The following DLGAP1 variants were observed in gnomAD, a reference collection of about 807,000 sequenced individuals.
DLGAP1 encodes the protein disks large-associated protein 1.
A neutral mutation model predicts 90.8 loss-of-function variants in DLGAP1; 11 were observed. The ratio of observed to expected loss-of-function variants is 0.12; its 90% CI spans 0.08 to 0.20. The LOEUF (loss-of-function observed/expected upper bound fraction) is 0.20, where lower values mean the gene tolerates loss of function less well. Among genes scored for constraint, DLGAP1 ranks in the 10% least tolerant of loss-of-function variants. The pLI is 1.00. For missense variants in DLGAP1, 1,050 were observed against 1,333.8 expected (o/e 0.79, Z 3.31); for synonymous variants, 558 against 540.7 (o/e 1.03, Z -0.44).
At chr18:3,562,454 T>G (rs2054184739) in intron 9 of DLGAP1, among the ~76,000 whole-genome samples, 1 of 151,806 alleles carries the variant, frequency 6.6e-6, no homozygotes, top group Non-Finnish European at 1.5e-5. Context: ...GTCTTTCCCA[T>G]GCTGTTCTCA....
intron 6 of DLGAP1, among the ~76,000 whole-genome samples, chr18:3,730,116 T>C (rs2147471790): frequency 6.6e-6 from 1 of 152,290 alleles, no homozygotes; most frequent in Non-Finnish European, 1.5e-5. Flanking sequence ...GGGCTGACTG[T>C]TGTGGCTCGC....
chr18:3,591,611 G>A (rs2056251650), intron 7 of DLGAP1, among the ~76,000 whole-genome samples: 1 of 151,878 alleles, frequency 6.6e-6, no homozygotes, highest in African/African-American at 2.4e-5. Context: ...GCTGGGGCGG[G>A]AGGATTGCTG....
chr18:4,427,695 T>C (rs1159637672), intron 1 of DLGAP1, among the ~76,000 whole-genome samples: 1 of 152,228 alleles, frequency 6.6e-6, no homozygotes, highest in Non-Finnish European at 1.5e-5. Flanking sequence ...ATTTGCTGTC[T>C]GTCATCCATT....
intron 1 of DLGAP1, among the ~76,000 whole-genome samples, chr18:4,319,144 AT>A (rs2080610433): frequency 6.6e-6 from 1 of 152,348 alleles, no homozygotes; most frequent in East Asian, 1.9e-4. Flanking sequence ...GAGGTAAAAA[AT>A]AAATTAGTTT....
intron 5 of DLGAP1, among the ~76,000 whole-genome samples, chr18:3,780,867 T>A (rs1473244261): frequency 1.4e-5 from 2 of 148,064 alleles, no homozygotes; most frequent in African/African-American, 4.9e-5. Context: ...AGTGGTGCAA[T>A]CTTAGCTCAC....
At chr18:3,866,870 A>C (rs2070418460) in intron 4 of DLGAP1, among the ~76,000 whole-genome samples, 1 of 152,240 alleles carries the variant, frequency 6.6e-6, no homozygotes, top group Non-Finnish European at 1.5e-5. Flanking sequence ...ATATTTTTTG[A>C]GACAAAGTCT....
chr18:4,332,191 T>C (rs771007674), intron 1 of DLGAP1, among the ~76,000 whole-genome samples: 4 of 151,914 alleles, frequency 2.6e-5, no homozygotes, highest in Non-Finnish European at 4.4e-5. Context: ...AATCCAGTGG[T>C]GAGGAAAATC....
rs1218433440 is a variant in DLGAP1 at position 3,765,117 on chromosome 18, CTTTTTTTTTTTTCT to C, written c.1173-22619_1173-22606del. 8.6e-4 allele frequency among the ~76,000 whole-genome samples: 109 copies of C among 126,414 alleles called. 2 individuals carry two copies. The highest frequency in any genetic ancestry group is 3.1e-3 in the African/African-American group (103 of 33,208). The allele number at this position is 126,414 out of a possible 152,430, so 82.9% of individuals were successfully genotyped here. A position where few individuals can be genotyped will look rare whatever the true frequency, so the allele number is the denominator to read the frequency against. The stretch of plus-strand genomic sequence containing the variant: ...CAGAATCTCCATGCACACTTGCAAA[CTTTTTTTTTTTTCT>C]TTTTTTTTTTTTTTGAGACAGAGTC... On this transcript the variant is annotated intron_variant, in intron 5 of 12. Transcript: ENST00000315677.
intron 1 of DLGAP1, among the ~76,000 whole-genome samples, chr18:4,339,925 C>T (rs1436544689): frequency 6.6e-6 from 1 of 152,104 alleles, no homozygotes; most frequent in African/African-American, 2.4e-5. Flanking sequence ...CTTTAAACTA[C>T]AAGATTTTAG....
At position 4,265,134 on chromosome 18, in the gene DLGAP1, T is replaced by TTCCTTCCTTCCTTCCTTCCTTCCTTC. The variant is rs61084906; in HGVS notation, c.-266-113848_-266-113847insGAAGGAAGGAAGGAAGGAAGGAAGGA. On this transcript the variant is annotated intron_variant, in intron 1 of 12. Coordinates refer to ENST00000315677, the MANE Select transcript of DLGAP1 (RefSeq NM_004746.4). Reference sequence around the variant, plus strand: ...TCCTTCCTTCCTTCCTTCCTTCCTTTCCTCCCTCCCTCCCATCCTCTCTTC... The same window carrying TTCCTTCCTTCCTTCCTTCCTTCCTTC: ...TCCTTCCTTCCTTCCTTCCTTCCTTTTCCTTCCTTCCTTCCTTCCTTCCTTCCCTCCCTCCCTCCCATCCTCTCTTC... 4.9e-3 allele frequency among the ~76,000 whole-genome samples: 684 copies of TTCCTTCCTTCCTTCCTTCCTTCCTTC among 140,196 alleles called. 11 individuals are homozygous for TTCCTTCCTTCCTTCCTTCCTTCCTTC. The highest frequency in any genetic ancestry group is 0.014 in the African/African-American group (478 of 33,984). The allele number at this position is 140,196 out of a possible 152,430, so 92.0% of individuals were successfully genotyped here. A position where few individuals can be genotyped will look rare whatever the true frequency, so the allele number is the denominator to read the frequency against.
intron 3 of DLGAP1, among the ~76,000 whole-genome samples, chr18:3,968,780 C>G (rs2073383587): frequency 6.6e-6 from 1 of 152,080 alleles, no homozygotes; most frequent in Non-Finnish European, 1.5e-5. Context: ...TTTATTGGAA[C>G]AGCTAATAAG....
chr18:4,061,409 A>G (rs1394379759), intron 2 of DLGAP1, among the ~76,000 whole-genome samples: 2 of 152,138 alleles, frequency 1.3e-5, no homozygotes, highest in Non-Finnish European at 2.9e-5. Context: ...TGAACATATT[A>G]GCTAAATTTA....
chr18:3,924,631 C>T (rs2148917462), intron 3 of DLGAP1, among the ~76,000 whole-genome samples: 2 of 152,266 alleles, frequency 1.3e-5, no homozygotes. Flanking sequence ...GCTACCCAGC[C>T]CTTTTCCCCA....
intron 12 of DLGAP1, among the ~76,000 whole-genome samples, chr18:3,500,510 T>G (rs1040427245): frequency 2.0e-5 from 3 of 152,208 alleles, no homozygotes; most frequent in African/African-American, 7.2e-5. Flanking sequence ...TCCTCCCTGC[T>G]TGCCAGAGCA....
At chr18:3,864,447 A>G (rs2070269407) in intron 4 of DLGAP1, among the ~76,000 whole-genome samples, 1 of 152,206 alleles carries the variant, frequency 6.6e-6, no homozygotes, top group African/African-American at 2.4e-5. Context: ...AAGGAAGTGG[A>G]GGCTTTTAAA....
At chr18:4,027,371 T>C (rs1469569940) in intron 2 of DLGAP1, among the ~76,000 whole-genome samples, 1 of 151,138 alleles carries the variant, frequency 6.6e-6, no homozygotes, top group Non-Finnish European at 1.5e-5. Flanking sequence ...CTGGGCATGG[T>C]GGTGCATGCT....
intron 1 of DLGAP1, among the ~76,000 whole-genome samples, chr18:4,226,080 G>A (rs187454793): frequency 9.2e-5 from 14 of 152,238 alleles, no homozygotes; most frequent in African/African-American, 2.9e-4. Flanking sequence ...ATGAAACTCC[G>A]ATGCACCTGG....
intron 7 of DLGAP1, among the ~76,000 whole-genome samples, chr18:3,652,878 G>A (rs984384109): frequency 6.6e-6 from 1 of 152,194 alleles, no homozygotes; most frequent in African/African-American, 2.4e-5. Context: ...CTGCCACCAC[G>A]GCTGGCTCAT....
chr18:3,563,261 T>C (rs796763067), intron 9 of DLGAP1, among the ~76,000 whole-genome samples: 10 of 152,296 alleles, frequency 6.6e-5, no homozygotes, highest in African/African-American at 2.4e-4. Context: ...GTTTGTTTGT[T>C]TTGGCATTTA....
Sources: allele counts gnomAD v4.1 joint callset (sites outside exome capture counted in the v4.1 genomes callset), GRCh38; gene constraint gnomAD v4.1.1; transcripts MANE v1.5; gene names NCBI Gene and HGNC (gene_info 2026-07-23, HGNC 2026-07-21).